TUBGCP3: variants seen among roughly 807,000 people sequenced by gnomAD.
TUBGCP3 encodes tubulin gamma complex component 3, also known as gamma-tubulin complex component 3.
TUBGCP3 carries 50 observed loss-of-function variants against 123.1 expected under a neutral mutation model. The observed-to-expected ratio is 0.41, with a 90% CI of 0.32 to 0.51. TUBGCP3 has a LOEUF of 0.51. Among genes scored for constraint, TUBGCP3 ranks in the 20% least tolerant of loss-of-function variants. TUBGCP3 has a pLI of 0.36. For missense variants in TUBGCP3, 882 were observed against 1,127.0 expected, an observed-to-expected ratio of 0.78 and a Z score of 3.11; for synonymous variants, 405 against 413.9, an observed-to-expected ratio of 0.98 and a Z score of 0.26.
intron 20 of TUBGCP3, among the ~76,000 whole-genome samples, chr13:112,491,465 T>C (rs562344292): frequency 6.6e-6 from 1 of 152,218 alleles, no homozygotes; most frequent in African/African-American, 2.4e-5. Context: ...CACTGTGCCC[T>C]GCACCTCCCA....
chr13:112,543,422 A>T (rs1237570750), intron 11 of TUBGCP3, among the ~76,000 whole-genome samples: 3 of 152,368 alleles, frequency 2.0e-5, no homozygotes, highest in Non-Finnish European at 4.4e-5. Flanking sequence ...CTCCAAATCC[A>T]ATATGCAATC....
At chr13:112,543,159 G>A (rs1422200074) in intron 11 of TUBGCP3, among the ~76,000 whole-genome samples, 2 of 152,098 alleles carry the variant, frequency 1.3e-5, no homozygotes, top group Non-Finnish European at 2.9e-5. Flanking sequence ...CAAAAAAAAA[G>A]AGTGTGGCGG....
the TUBGCP3 span, chr13:112,603,569 A>C: frequency 6.6e-6 from 1 of 152,220 alleles, no homozygotes; most frequent in Admixed American, 6.5e-5. Context: ...CTAAAAATAC[A>C]AAAGAAATTA....
At position 112,511,166 on chromosome 13, in the gene TUBGCP3, C is replaced by A. The variant is rs562796466; in HGVS notation, c.2086+5274G>T. On this transcript the variant is annotated intron_variant, in intron 17 of 21. Transcript: ENST00000261965. This position sits in a 1 kb window ranked among gnomAD's most constrained non-coding sequence, Gnocchi z 4.1. ...AATCATCAAGAAAGTAAAACAGTTGCCAGTCACACTGACAGACACCCTGAC... is the reference window on the plus strand; with the variant it reads ...AATCATCAAGAAAGTAAAACAGTTGACAGTCACACTGACAGACACCCTGAC... 1.2e-4 allele frequency among the ~76,000 whole-genome samples: 18 copies of A among 152,258 alleles called. No individual in the cohort carries two copies. In the South Asian group the frequency reaches 3.7e-3, roughly 32 times the overall value.
intron 8 of TUBGCP3, among the ~76,000 whole-genome samples, chr13:112,553,290 C>T (rs984074283): frequency 1.8e-4 from 27 of 152,384 alleles, no homozygotes; most frequent in Middle Eastern, 3.4e-3. Context: ...CACGCTCCTA[C>T]TCACCAGCCA....
At chr13:112,537,268 C>A (rs1878142818) in intron 11 of TUBGCP3, among the ~76,000 whole-genome samples, 1 of 150,376 alleles carries the variant, frequency 6.6e-6, no homozygotes, top group South Asian at 2.1e-4. Flanking sequence ...AGCATGGAAT[C>A]TTTAAGTATG....
intron 17 of TUBGCP3, among the ~76,000 whole-genome samples, chr13:112,512,306 T>C (rs1208726018): frequency 1.3e-5 from 2 of 151,590 alleles, no homozygotes; most frequent in African/African-American, 4.9e-5. Flanking sequence ...TACATGCCTG[T>C]AATCCCAGCT....
At chr13:112,515,527 A>G (rs781433428) in intron 17 of TUBGCP3, among the ~76,000 whole-genome samples, 1 of 152,230 alleles carries the variant, frequency 6.6e-6, no homozygotes, top group Non-Finnish European at 1.5e-5. Flanking sequence ...CCAGGCGTGC[A>G]TGCAGCCCTC....
chr13:112,522,600 C>T (rs962518036), intron 13 of TUBGCP3, 91 bp from the exon 14 acceptor site: 102 of 1,259,236 alleles, frequency 8.1e-5, no homozygotes, highest in Non-Finnish European at 1.1e-4. Flanking sequence ...AGACTCAGGG[C>T]CAACCACTGC....
In TUBGCP3 at chr13:112,559,314, C is replaced by T; in HGVS notation, c.330+8G>A. The T allele has an allele frequency of 2.5e-6, 4 of 1,609,770 alleles. No individual in the cohort carries two copies. Among genetic ancestry groups the T allele is most frequent in the Non-Finnish European group, 3.4e-6 (4 of 1,178,188 alleles). On this transcript the variant is annotated splice_region_variant and intron_variant, in intron 4 of 21. Transcript: ENST00000261965. ...CGGACACGACGCTGCAAAGGCAAAG[C>T]CACTTACCTTGCTTGGCTGCCTGCG... is the stretch of plus-strand genomic sequence containing the variant.
At position 112,486,034 on chromosome 13, in the gene TUBGCP3, C is replaced by G. The variant is rs540629621; in HGVS notation, c.2683G>C (p.Val895Leu). Residue 895 changes from valine to leucine, a missense_variant, in exon 22 of 22, where the codon GTG becomes CTG. Physicochemically the swap from Val to Leu is conservative, Grantham distance 32. Coordinates refer to ENST00000261965, the MANE Select transcript of TUBGCP3 (RefSeq NM_006322.6). ...HYKAREPRLR[V>L]SLGTRGRRSS... Reference sequence around the variant, plus strand: ...CGCCGCCCCCTGGTACCCAGAGACACACGGAGCCTGGGCTCCCTGGCTTTG... The same window carrying G: ...CGCCGCCCCCTGGTACCCAGAGACAGACGGAGCCTGGGCTCCCTGGCTTTG... 280 of 1,608,756 alleles carry G rather than the reference C, an allele frequency of 1.7e-4. 2 individuals carry two copies. The South Asian group carries it at 2.9e-3, about 17-fold the overall frequency.
At chr13:112,507,608 C>T (rs543040337) in intron 17 of TUBGCP3, among the ~76,000 whole-genome samples, 150 of 152,286 alleles carry the variant, frequency 9.8e-4, no homozygotes, top group Non-Finnish European at 1.7e-3. Context: ...GTGACAGAAG[C>T]GGCTCAGTCC....
chr13:112,521,746 ACCC>A, intron 14 of TUBGCP3: 3 of 985,316 alleles, frequency 3.0e-6, no homozygotes, highest in Non-Finnish European at 3.6e-6. Context: ...CAGGCTGTGG[ACCC>A]CTGGGATGCT....
At position 112,545,486 on chromosome 13, in the gene TUBGCP3, T is replaced by G; in HGVS notation, c.1335+213A>C. ...CTTGCTGAGGAATAAACTGGGACAA[T>G]TCTCCACTAACCAAAGAACTCGTGA... is the stretch of plus-strand genomic sequence containing the variant. On this transcript the variant is annotated intron_variant, in intron 11 of 21. Transcript: ENST00000261965. This position sits in a 1 kb window ranked among gnomAD's most constrained non-coding sequence, Gnocchi z 4.1. The G allele has an allele frequency of 1.9e-6, 1 of 524,556 alleles. No homozygotes were observed. Among genetic ancestry groups the G allele is most frequent in the Non-Finnish European group, 3.3e-6 (1 of 299,080 alleles). The allele number at this position is 524,556 out of a possible 1,614,324, so 32.5% of individuals were successfully genotyped here.
chr13:112,519,621 C>G lies in TUBGCP3; in HGVS notation c.1881+265G>C, dbSNP rs1594135643. On this transcript the variant is annotated intron_variant, in intron 15 of 21. Coordinates refer to ENST00000261965, the MANE Select transcript of TUBGCP3 (RefSeq NM_006322.6). The surrounding 1 kb of genome is among the most constrained non-coding windows in gnomAD (Gnocchi z 6.2). Reference sequence around the variant, plus strand: ...CCCAGCACAGGGCAAGGGTGTCATGCGTTTTCTCCAGCTTAAGCCTAGCAG... The same window carrying G: ...CCCAGCACAGGGCAAGGGTGTCATGGGTTTTCTCCAGCTTAAGCCTAGCAG... 6.6e-6 allele frequency among the ~76,000 whole-genome samples: 1 copy of G among 152,324 alleles called. No homozygotes were observed. Among genetic ancestry groups the G allele is most frequent in the African/African-American group, 2.4e-5 (1 of 41,572 alleles).
At chr13:112,539,831 C>G (rs201368779) in intron 11 of TUBGCP3, among the ~76,000 whole-genome samples, 1 of 119,856 alleles carries the variant, frequency 8.3e-6, no homozygotes, top group Admixed American at 7.8e-5. Flanking sequence ...GGAATGAGGA[C>G]GTCAATGTAG....
upstream of TUBGCP3, among the ~76,000 whole-genome samples, chr13:112,588,453 GAAAGAAGCCTGTTTAAAAAAGAAAAGAAA>G (rs1451684200): frequency 6.6e-6 from 1 of 152,190 alleles, no homozygotes; most frequent in Non-Finnish European, 1.5e-5. Flanking sequence ...CACTTCTGAT[GAAAGAAGCCTGTTTAAAAAAGAAAAGAAA>G]AAAGAAGCCT....
At chr13:112,585,786 A>G (rs868624627) in intron 1 of TUBGCP3, among the ~76,000 whole-genome samples, 1 of 151,846 alleles carries the variant, frequency 6.6e-6, no homozygotes, top group Admixed American at 6.6e-5. Context: ...AAATAAATAA[A>G]TTATTTATTC....
At chr13:112,580,054 G>C (rs1397664560) in intron 1 of TUBGCP3, among the ~76,000 whole-genome samples, 1 of 152,200 alleles carries the variant, frequency 6.6e-6, no homozygotes, top group East Asian at 1.9e-4. Context: ...GTTATACTAA[G>C]TGAAAGAAAC....
Sources: allele counts gnomAD v4.1 joint callset (sites outside exome capture counted in the v4.1 genomes callset), GRCh38; gene constraint gnomAD v4.1.1; non-coding constraint Gnocchi (gnomAD v3.1); transcripts MANE v1.5; gene names NCBI Gene and HGNC (gene_info 2026-07-23, HGNC 2026-07-21).